Variants in NRG3 observed in about 807,000 individuals in gnomAD.
NRG3 encodes the protein pro-neuregulin-3, membrane-bound isoform.
Under a neutral mutation model 66.9 loss-of-function variants are expected in NRG3, and 31 were observed. The observed-to-expected ratio is 0.46, with a 90% CI of 0.35 to 0.63. NRG3 has a LOEUF of 0.63. Ranked by LOEUF, NRG3 falls within the 20% of genes least tolerant of loss-of-function variation. The pLI, the probability that NRG3 is intolerant of heterozygous loss-of-function variation, is 0.00. For synonymous variants in NRG3, 393 were observed against 359.4 expected (o/e 1.09, Z -1.06); for missense variants, 910 against 878.9 (o/e 1.04, Z -0.45).
chr10:81,925,609 G>T (rs1348666064), intron 1 of NRG3, among the ~76,000 whole-genome samples: 7 of 152,126 alleles, frequency 4.6e-5, no homozygotes, highest in African/African-American at 1.7e-4. Context: ...TGTCAATCCA[G>T]ATGAGTGATG....
intron 2 of NRG3, among the ~76,000 whole-genome samples, chr10:82,399,255 T>G (rs911775834): frequency 6.6e-6 from 1 of 152,174 alleles, no homozygotes; most frequent in African/African-American, 2.4e-5. Flanking sequence ...TTTTATTTGT[T>G]CTAGACGTAC....
At chr10:82,082,465 A>G (rs2065449038) in intron 1 of NRG3, among the ~76,000 whole-genome samples, 1 of 152,222 alleles carries the variant, frequency 6.6e-6, no homozygotes, top group South Asian at 2.1e-4. Context: ...TATGCTAGAT[A>G]GAGCCTGGGA....
At chr10:82,984,701 C>A in intron 8 of NRG3, 1 of 1,410,226 alleles carries the variant, frequency 7.1e-7, no homozygotes, top group Non-Finnish European at 9.8e-7. Flanking sequence ...ATGGAGTGGA[C>A]TAATGCCATT....
chr10:82,926,466 C>A (rs1847008538), intron 4 of NRG3, among the ~76,000 whole-genome samples: 1 of 152,082 alleles, frequency 6.6e-6, no homozygotes, highest in South Asian at 2.1e-4. Context: ...TTCTGGTGAC[C>A]AAATAAATAA....
chr10:82,865,052 T>C (rs1248217573), intron 3 of NRG3, among the ~76,000 whole-genome samples: 1 of 152,204 alleles, frequency 6.6e-6, no homozygotes, highest in African/African-American at 2.4e-5. Context: ...TTATTCCACA[T>C]AAAATATTAT....
chr10:81,882,469 A>G (rs991547566), intron 1 of NRG3, among the ~76,000 whole-genome samples: 12 of 152,284 alleles, frequency 7.9e-5, no homozygotes, highest in African/African-American at 2.4e-4. Context: ...GTATATTTCT[A>G]TATAAAACCT....
chr10:82,031,770 T>C (rs2062578920), intron 1 of NRG3, among the ~76,000 whole-genome samples: 1 of 152,128 alleles, frequency 6.6e-6, no homozygotes, highest in Non-Finnish European at 1.5e-5. Flanking sequence ...TAATTTCTCA[T>C]AGTGTCCTGC....
intron 1 of NRG3, among the ~76,000 whole-genome samples, chr10:82,288,394 T>C (rs1487543310): frequency 6.6e-6 from 1 of 152,106 alleles, no homozygotes; most frequent in African/African-American, 2.4e-5. Flanking sequence ...GGCGCAAAGC[T>C]CAGAGGTGTG....
At chr10:82,103,841 GA>G (rs1374207757) in intron 1 of NRG3, among the ~76,000 whole-genome samples, 3 of 151,884 alleles carry the variant, frequency 2.0e-5, no homozygotes, top group Non-Finnish European at 4.4e-5. Flanking sequence ...CTGCCACCGG[GA>G]AAGACAAGGT....
At chr10:82,958,117 C>A (rs1850250259) in intron 5 of NRG3, among the ~76,000 whole-genome samples, 1 of 152,158 alleles carries the variant, frequency 6.6e-6, no homozygotes, top group African/African-American at 2.4e-5. Context: ...CAGTTTCAGC[C>A]TTTTCACTCA....
At chr10:82,613,590 C>T (rs959367004) in intron 2 of NRG3, among the ~76,000 whole-genome samples, 1 of 151,642 alleles carries the variant, frequency 6.6e-6, no homozygotes, top group South Asian at 2.1e-4. Flanking sequence ...TATTTTAACA[C>T]ATGATATTTT....
chr10:82,651,846 C>A (rs189856388), intron 2 of NRG3, among the ~76,000 whole-genome samples: 4 of 152,322 alleles, frequency 2.6e-5, no homozygotes, highest in Admixed American at 6.5e-5. Flanking sequence ...CAGTCCCAGT[C>A]AAGCCTTCAG....
chr10:82,817,433 TCTC>T (rs2061759398), intron 3 of NRG3, among the ~76,000 whole-genome samples: 1 of 152,218 alleles, frequency 6.6e-6, no homozygotes, highest in Non-Finnish European at 1.5e-5. Context: ...TTCATATAAA[TCTC>T]ACAGTTCTCA....
intron 1 of NRG3, chr10:82,166,827 G>T (rs996770438): frequency 9.0e-6 from 6 of 668,526 alleles, no homozygotes; most frequent in Non-Finnish European, 5.5e-6. Flanking sequence ...TACAAATTTT[G>T]TAAGTCTGAA....
At chr10:82,065,145 C>A (rs765456177) in intron 1 of NRG3, among the ~76,000 whole-genome samples, 1 of 152,106 alleles carries the variant, frequency 6.6e-6, no homozygotes. Context: ...TGACTTTCTT[C>A]AAAGGCTTTT....
chr10:82,208,592 T>C (rs372755769), intron 1 of NRG3, among the ~76,000 whole-genome samples: 67 of 152,148 alleles, frequency 4.4e-4, no homozygotes, highest in African/African-American at 1.4e-3. Flanking sequence ...CTCTGTTCTT[T>C]GGTCTTCCCA....
intron 4 of NRG3, among the ~76,000 whole-genome samples, chr10:82,895,684 G>A (rs1843598148): frequency 6.6e-6 from 1 of 152,022 alleles, no homozygotes; most frequent in African/African-American, 2.4e-5. Context: ...TAGAGACGGT[G>A]TTTCACCGTG....
At chr10:82,344,545 G>A (rs1220381291) in intron 1 of NRG3, among the ~76,000 whole-genome samples, 2 of 144,802 alleles carry the variant, frequency 1.4e-5, no homozygotes, top group African/African-American at 2.8e-5. Flanking sequence ...TGTCTTTATA[G>A]CAGCATGATT....
intron 3 of NRG3, among the ~76,000 whole-genome samples, chr10:82,753,672 G>T (rs929668356): frequency 2.6e-5 from 4 of 151,776 alleles, no homozygotes; most frequent in African/African-American, 7.3e-5. Context: ...AGTTCCACCG[G>T]GAGTGGTGGC....
Sources: allele counts gnomAD v4.1 joint callset (sites outside exome capture counted in the v4.1 genomes callset), GRCh38; gene constraint gnomAD v4.1.1; transcripts MANE v1.5; gene names NCBI Gene and HGNC (gene_info 2026-07-23, HGNC 2026-07-21).